Variants in NAV3 observed in about 807,000 individuals in gnomAD.
The protein encoded by NAV3 is neuron navigator 3.
Under a neutral mutation model 244.7 loss-of-function variants are expected in NAV3, and 87 were observed. The ratio of observed to expected loss-of-function variants is 0.36; its 90% CI spans 0.30 to 0.42. The LOEUF (loss-of-function observed/expected upper bound fraction) is 0.42. Among genes scored for constraint, NAV3 ranks in the 20% least tolerant of loss-of-function variants. The pLI is 1.00. For synonymous variants in NAV3, 1,126 were observed against 1,042.2 expected (o/e 1.08, Z -1.55); for missense variants, 2,663 against 2,893.3 (o/e 0.92, Z 1.83).
intron 24 of NAV3, among the ~76,000 whole-genome samples, chr12:78,173,710 A>G (rs917134724): frequency 6.6e-6 from 1 of 151,198 alleles, no homozygotes; most frequent in Admixed American, 6.6e-5. Context: ...ATTACTTTTT[A>G]AAACAATGTT....
chr12:77,768,662 G>A (rs1186887949), intron 2 of NAV3, among the ~76,000 whole-genome samples: 3 of 152,242 alleles, frequency 2.0e-5, no homozygotes, highest in Non-Finnish European at 4.4e-5. Flanking sequence ...AACCTGTGGG[G>A]GCAGGGGGAC....
chr12:77,766,741 T>TTTTTTTTTTG (rs1869785361), intron 2 of NAV3, among the ~76,000 whole-genome samples: 1 of 23,704 alleles, frequency 4.2e-5, no homozygotes, highest in African/African-American at 1.8e-4. Flanking sequence ...TTAAGTTTTT[T>TTTTTTTTTTG]TTTTTTTTTT....
chr12:78,187,370 G>T (rs1346046746), intron 31 of NAV3, among the ~76,000 whole-genome samples: 2 of 151,738 alleles, frequency 1.3e-5, no homozygotes, highest in Non-Finnish European at 2.9e-5. Flanking sequence ...TCTACCACCC[G>T]TTAATGATAA....
intron 23 of NAV3, among the ~76,000 whole-genome samples, chr12:78,160,725 T>C (rs1957507066): frequency 6.6e-6 from 1 of 152,010 alleles, no homozygotes; most frequent in Non-Finnish European, 1.5e-5. Flanking sequence ...TATTAGCACA[T>C]TGTATTCTCT....
intron 1 of NAV3, among the ~76,000 whole-genome samples, chr12:77,927,489 T>C (rs185750224): frequency 6.6e-6 from 1 of 152,364 alleles, no homozygotes; most frequent in Non-Finnish European, 1.5e-5. Flanking sequence ...TTCTCTGTTT[T>C]AGAATCTTCA....
At chr12:78,115,912 C>G (rs1955354812) in intron 12 of NAV3, among the ~76,000 whole-genome samples, 1 of 152,168 alleles carries the variant, frequency 6.6e-6, no homozygotes, top group Non-Finnish European at 1.5e-5. Context: ...ATGTCCCTGT[C>G]ATTAATACAG....
chr12:77,739,982 C>G (rs1237887142), intron 2 of NAV3, among the ~76,000 whole-genome samples: 1 of 152,096 alleles, frequency 6.6e-6, no homozygotes, highest in Non-Finnish European at 1.5e-5. Flanking sequence ...AGTGCAAAAT[C>G]AGATTTAACA....
chr12:77,921,725 C>T (rs2137179399), intron 1 of NAV3, among the ~76,000 whole-genome samples: 1 of 152,130 alleles, frequency 6.6e-6, no homozygotes, highest in South Asian at 2.1e-4. Flanking sequence ...TGGCCAAACA[C>T]CTTGAAAAAT....
chr12:77,625,167 T>G (rs370237169), intron 2 of NAV3, among the ~76,000 whole-genome samples: 1 of 152,174 alleles, frequency 6.6e-6, no homozygotes, highest in East Asian at 1.9e-4. Flanking sequence ...TCAATAAAAC[T>G]AATATATATG....
intron 12 of NAV3, among the ~76,000 whole-genome samples, chr12:78,080,200 C>T (rs115296117): frequency 6.9e-4 from 105 of 152,248 alleles, no homozygotes; most frequent in African/African-American, 2.4e-3. Context: ...AGTAGGTACT[C>T]ATGTGGTCTG....
intron 1 of NAV3, among the ~76,000 whole-genome samples, chr12:77,873,744 G>GTATATATATA (rs556787799): frequency 1.3e-3 from 94 of 73,144 alleles, no homozygotes; most frequent in South Asian, 2.0e-3. Flanking sequence ...ATGTGTGTGT[G>GTATATATATA]TATATATATA....
At chr12:77,917,309 A>T (rs1887246198) in intron 1 of NAV3, among the ~76,000 whole-genome samples, 1 of 151,966 alleles carries the variant, frequency 6.6e-6, no homozygotes, top group Admixed American at 6.6e-5. Flanking sequence ...CAGAACCAGG[A>T]TTGCAGCCTA....
intron 12 of NAV3, among the ~76,000 whole-genome samples, chr12:78,085,139 T>C (rs1473419600): frequency 6.6e-6 from 1 of 152,140 alleles, no homozygotes; most frequent in African/African-American, 2.4e-5. Flanking sequence ...GATATTAAAG[T>C]GAGAGTAAAC....
rs1264077714 is a variant in NAV3, at chr12:78,180,906, G to A, written c.5553G>A (p.Arg1851=). 6.2e-7 allele frequency: 1 copy of A among 1,612,668 alleles called. No homozygotes were observed. Among genetic ancestry groups the A allele is most frequent in the Admixed American group, 1.7e-5 (1 of 59,878 alleles). The change falls in exon 30 of 40, where the codon CGG becomes CGA. Residue 1851 remains arginine (R), a synonymous_variant. Transcript: ENST00000397909. ...AAATACTGAAAGCTGAAAATGACCG[G>A]TTGAAGGCAGAAACTGGTAACACAG... ...EIEILKAEND[R]LKAETGNTAK...
At chr12:77,904,003 T>A (rs1180253298) in intron 1 of NAV3, among the ~76,000 whole-genome samples, 1 of 152,068 alleles carries the variant, frequency 6.6e-6, no homozygotes, top group East Asian at 1.9e-4. Flanking sequence ...CAACAGGTGC[T>A]GGAGAGGATG....
intron 7 of NAV3, among the ~76,000 whole-genome samples, chr12:77,998,908 GT>G (rs1299205928): frequency 6.6e-6 from 1 of 152,028 alleles, no homozygotes; most frequent in Non-Finnish European, 1.5e-5. Context: ...ATTACAGTAG[GT>G]TTTTATCTTT....
intron 1 of NAV3, among the ~76,000 whole-genome samples, chr12:77,867,407 G>A (rs973701643): frequency 8.4e-6 from 1 of 118,862 alleles, no homozygotes; most frequent in Non-Finnish European, 1.9e-5. Flanking sequence ...GTATGTTTTT[G>A]TTGTTGTTGT....
intron 9 of NAV3, among the ~76,000 whole-genome samples, chr12:78,038,332 T>G (rs1252928958): frequency 2.0e-5 from 3 of 152,214 alleles, no homozygotes; most frequent in African/African-American, 7.2e-5. Flanking sequence ...GGCTTCATAT[T>G]GGCCTCCTTA....
At chr12:78,102,526 G>A (rs1954586817) in intron 12 of NAV3, among the ~76,000 whole-genome samples, 1 of 152,184 alleles carries the variant, frequency 6.6e-6, no homozygotes. Flanking sequence ...GGGGTTTGGA[G>A]GATGATGGCC....
Sources: allele counts gnomAD v4.1 joint callset (sites outside exome capture counted in the v4.1 genomes callset), GRCh38; gene constraint gnomAD v4.1.1; transcripts MANE v1.5; gene names NCBI Gene and HGNC (gene_info 2026-07-23, HGNC 2026-07-21).